NPAS3: variants seen among roughly 807,000 people sequenced by gnomAD.
NPAS3 encodes the protein neuronal PAS domain protein 3.
NPAS3 carries 14 observed loss-of-function variants against 73.1 expected under a neutral mutation model. The observed-to-expected ratio is 0.19, with a 90% CI of 0.13 to 0.30. NPAS3 has a LOEUF of 0.30. Ranked by LOEUF, NPAS3 falls within the 10% of genes least tolerant of loss-of-function variation. The pLI, the probability that NPAS3 is intolerant of heterozygous loss-of-function variation, is 1.00. For synonymous variants in NPAS3, 620 were observed against 541.5 expected (o/e 1.14, Z -2.01); for missense variants, 1,096 against 1,250.0 (o/e 0.88, Z 1.86).
chr14:33,339,320 T>C (rs1425232796), intron 3 of NPAS3, among the ~76,000 whole-genome samples: 3 of 151,994 alleles, frequency 2.0e-5, no homozygotes, highest in Non-Finnish European at 4.4e-5. Flanking sequence ...GTTCTGGGGG[T>C]GATCTGTTTT....
chr14:33,128,014 TTAA>T lies in NPAS3; in HGVS notation c.140+72026_140+72028del, dbSNP rs369659677. Among the ~76,000 whole-genome samples the T allele has an allele frequency of 4.7e-3, 717 of 152,284 alleles. 8 individuals are homozygous for T. The highest frequency in any genetic ancestry group is 0.016 in the African/African-American group (683 of 41,564). ...TAATTATGATGGGATTCTACCCTTG[TTAA>T]TAATAGAGAAATGGTAAAATTTTAT... is the stretch of plus-strand genomic sequence containing the variant. On this transcript the variant is annotated intron_variant, in intron 2 of 11. Transcript: ENST00000356141.
chr14:33,107,377 A>G (rs1181331775), intron 2 of NPAS3, among the ~76,000 whole-genome samples: 4 of 152,196 alleles, frequency 2.6e-5, no homozygotes, highest in Non-Finnish European at 5.9e-5. Context: ...ATAGTACTCA[A>G]CAGGCGGTTT....
At chr14:33,572,292 A>AT (rs1344975640) in intron 5 of NPAS3, among the ~76,000 whole-genome samples, 3 of 152,214 alleles carry the variant, frequency 2.0e-5, no homozygotes, top group Non-Finnish European at 4.4e-5. Flanking sequence ...CAATAATTAC[A>AT]TTTTTTTAAA....
chr14:32,943,731 G>C (rs777674387), intron 1 of NPAS3, among the ~76,000 whole-genome samples: 1 of 129,140 alleles, frequency 7.7e-6, no homozygotes, highest in Non-Finnish European at 1.6e-5. Flanking sequence ...TTGCTCTGTT[G>C]CCCAGGCATG....
chr14:33,566,827 C>A (rs537619284), intron 5 of NPAS3, among the ~76,000 whole-genome samples: 1 of 152,224 alleles, frequency 6.6e-6, no homozygotes, highest in Non-Finnish European at 1.5e-5. Context: ...CTCTTGCAAT[C>A]CAGTGATTTA....
chr14:33,348,989 C>T lies in NPAS3; in HGVS notation c.386-18197C>T, dbSNP rs12050175. 2.3e-4 allele frequency among the ~76,000 whole-genome samples: 35 copies of T among 152,206 alleles called. 1 individual carries two copies. In the East Asian group the frequency reaches 5.2e-3, roughly 23 times the overall value. ...CCCTTGCCAGGGTCCTCTCATTGCC[C>T]GTGAGCCCTTCCAACCACGAGTGGG... On this transcript the variant is annotated intron_variant, in intron 3 of 11. Transcript: ENST00000356141.
intron 3 of NPAS3, among the ~76,000 whole-genome samples, chr14:33,317,397 T>G (rs1455526057): frequency 2.0e-5 from 3 of 152,086 alleles, no homozygotes; most frequent in Non-Finnish European, 2.9e-5. Flanking sequence ...TTACCAAGGC[T>G]AAGTAGCTTG....
chr14:33,131,415 G>A (rs1246965052), intron 2 of NPAS3, among the ~76,000 whole-genome samples: 2 of 152,208 alleles, frequency 1.3e-5, no homozygotes, highest in South Asian at 4.1e-4. Context: ...ACCCAGCCAT[G>A]TGTTCATCTG....
chr14:33,714,501 T>A (rs1958053), intron 6 of NPAS3, among the ~76,000 whole-genome samples: 43,904 of 151,946 alleles, frequency 0.29, 7,153 homozygotes, highest in Admixed American at 0.5. Flanking sequence ...TCCCTGAAGA[T>A]CGTAGCTGGG....
chr14:33,014,859 A>C (rs1404351295), intron 1 of NPAS3, among the ~76,000 whole-genome samples: 1 of 152,198 alleles, frequency 6.6e-6, no homozygotes, highest in African/African-American at 2.4e-5. Context: ...GCTGCACAGC[A>C]GGTGAGGGAG....
At chr14:33,338,616 T>G (rs967000419) in intron 3 of NPAS3, among the ~76,000 whole-genome samples, 2 of 152,192 alleles carry the variant, frequency 1.3e-5, no homozygotes, top group African/African-American at 4.8e-5. Context: ...GCTCTGAACC[T>G]TTTTTCTTTT....
intron 9 of NPAS3, among the ~76,000 whole-genome samples, chr14:33,788,286 C>CA (rs2063239522): frequency 6.6e-6 from 1 of 152,182 alleles, no homozygotes. Flanking sequence ...AAGGTACCTC[C>CA]AGGAGGGGGT....
intron 1 of NPAS3, among the ~76,000 whole-genome samples, chr14:33,023,801 A>G (rs1007382050): frequency 6.6e-6 from 1 of 152,148 alleles, no homozygotes; most frequent in Non-Finnish European, 1.5e-5. Context: ...CTTATTGTGC[A>G]TGTATTTACA....
intron 3 of NPAS3, among the ~76,000 whole-genome samples, chr14:33,250,367 A>G (rs190980791): frequency 2.0e-4 from 30 of 152,222 alleles, no homozygotes; most frequent in African/African-American, 6.5e-4. Context: ...TGGTAACTCT[A>G]AGTAATTGAT....
At chr14:33,242,973 AC>A (rs1348827301) in intron 3 of NPAS3, among the ~76,000 whole-genome samples, 2 of 152,130 alleles carry the variant, frequency 1.3e-5, no homozygotes, top group Admixed American at 6.6e-5. Context: ...AGGCTTTTAA[AC>A]CTAAAGTACA....
At chr14:33,246,837 T>TAA (rs1566720123) in intron 3 of NPAS3, among the ~76,000 whole-genome samples, 2 of 7,500 alleles carry the variant, frequency 2.7e-4, no homozygotes, top group African/African-American at 8.9e-4. Flanking sequence ...CTATTAAAAA[T>TAA]ACAAAAAAAA....
chr14:33,200,699 G>C (rs917738196), intron 2 of NPAS3, among the ~76,000 whole-genome samples: 3 of 152,082 alleles, frequency 2.0e-5, no homozygotes, highest in Non-Finnish European at 4.4e-5. Context: ...TGGATTTTTG[G>C]CTTCTTTCTG....
At chr14:33,551,007 T>A (rs1282275353) in intron 4 of NPAS3, among the ~76,000 whole-genome samples, 1 of 152,206 alleles carries the variant, frequency 6.6e-6, no homozygotes, top group Admixed American at 6.5e-5. Context: ...TACTAAAAAT[T>A]AATTGTTAAT....
intron 2 of NPAS3, among the ~76,000 whole-genome samples, chr14:33,056,296 T>C (rs953479180): frequency 2.6e-5 from 4 of 152,182 alleles, no homozygotes; most frequent in Non-Finnish European, 5.9e-5. Context: ...CAAGTACTTA[T>C]ATGCAAGAAA....
Sources: gnomAD v4.1 joint callset for allele counts (sites outside exome capture counted in the v4.1 genomes callset) on GRCh38, gnomAD v4.1.1 for gene constraint, MANE v1.5 for transcripts, NCBI Gene and HGNC (gene_info 2026-07-23, HGNC 2026-07-21) for gene names.